Variants in KDM4C observed in about 807,000 individuals in gnomAD.
The protein encoded by KDM4C is lysine demethylase 4C.
Under a neutral mutation model 129.3 loss-of-function variants are expected in KDM4C, and 81 were observed. That is an observed-to-expected ratio of 0.63 (90% CI 0.52 to 0.75). The LOEUF is 0.75. KDM4C is among the 30% of genes least tolerant of loss of function. The pLI is 0.00. For synonymous variants in KDM4C, 573 were observed against 456.1 expected (o/e 1.26, Z -3.26); for missense variants, 1,457 against 1,304.0 (o/e 1.12, Z -1.81).
At chr9:7,117,795 G>A (rs971593655) in intron 18 of KDM4C, among the ~76,000 whole-genome samples, 1 of 152,070 alleles carries the variant, frequency 6.6e-6, no homozygotes, top group African/African-American at 2.4e-5. Context: ...CTAGCATCTG[G>A]GAACTCACTG....
At chr9:7,021,933 C>G (rs1230165881) in intron 15 of KDM4C, among the ~76,000 whole-genome samples, 3 of 152,100 alleles carry the variant, frequency 2.0e-5, no homozygotes, top group Non-Finnish European at 2.9e-5. Flanking sequence ...AATGTATATT[C>G]TTGTCATCTT....
At chr9:6,790,362 A>G (rs917306999) in intron 1 of KDM4C, among the ~76,000 whole-genome samples, 1 of 150,302 alleles carries the variant, frequency 6.7e-6, no homozygotes, top group African/African-American at 2.4e-5. Context: ...CTCCTGCCTC[A>G]GCCTCCTGAG....
chr9:6,980,896 T>G, intron 8 of KDM4C, 29 bp from the exon 9 acceptor site: 3 of 1,608,286 alleles, frequency 1.9e-6, no homozygotes, highest in Non-Finnish European at 2.6e-6. Context: ...GCGAAACGTT[T>G]AACACTCTCC....
intron 8 of KDM4C, among the ~76,000 whole-genome samples, chr9:6,909,823 A>T (rs947329003): frequency 1.3e-5 from 2 of 152,234 alleles, no homozygotes; most frequent in Non-Finnish European, 2.9e-5. Flanking sequence ...TAAATATATT[A>T]GAAGAAAATA....
chr9:7,047,921 A>G (rs894402516), intron 16 of KDM4C, among the ~76,000 whole-genome samples: 3 of 151,990 alleles, frequency 2.0e-5, no homozygotes, highest in Non-Finnish European at 2.9e-5. Flanking sequence ...GTGTAATGTA[A>G]TGGTGGATTT....
rs537437863 is a variant in KDM4C, at chr9:6,989,204, C to T, written c.1678-1212C>T. Among the ~76,000 whole-genome samples the T allele has an allele frequency of 1.9e-3, 294 of 152,300 alleles. 2 individuals carry two copies. The highest frequency in any genetic ancestry group is 6.9e-3 in the African/African-American group (285 of 41,560). ...CTTTTCTTATTCCTAGCTTTGATTA[C>T]AATGGTCTTACACATTTTCTTAGAA... On this transcript the variant is annotated intron_variant, in intron 11 of 21. Transcript: ENST00000381309.
intron 1 of KDM4C, among the ~76,000 whole-genome samples, chr9:6,735,773 G>C (rs1817507595): frequency 6.6e-6 from 1 of 152,146 alleles, no homozygotes; most frequent in Non-Finnish European, 1.5e-5. Context: ...ATTGGTACTA[G>C]TAGAGCAGGG....
intron 8 of KDM4C, among the ~76,000 whole-genome samples, chr9:6,923,229 A>AT (rs58932705): frequency 8.6e-4 from 128 of 148,630 alleles, no homozygotes; most frequent in African/African-American, 1.3e-3. Context: ...AATCAGACAG[A>AT]TTTTTTTTTT....
intron 1 of KDM4C, among the ~76,000 whole-genome samples, chr9:6,784,872 C>T (rs777897362): frequency 4.6e-5 from 7 of 152,168 alleles, no homozygotes; most frequent in Admixed American, 2.0e-4. Flanking sequence ...GATGTGCTAA[C>T]GATTAATGGA....
chr9:6,889,252 G>GTGTGT (rs747649175), intron 7 of KDM4C, among the ~76,000 whole-genome samples: 1,143 of 75,008 alleles, frequency 0.015, 35 homozygotes, highest in African/African-American at 0.054. Flanking sequence ...TGTGTGTGTG[G>GTGTGT]GAGGGTGGGG....
chr9:6,911,448 T>C (rs1819287638), intron 8 of KDM4C, among the ~76,000 whole-genome samples: 1 of 152,242 alleles, frequency 6.6e-6, no homozygotes. Flanking sequence ...GCTGTCAAGC[T>C]AGTTAATGAT....
chr9:6,956,004 A>G (rs1490389371), intron 8 of KDM4C, among the ~76,000 whole-genome samples: 2 of 152,192 alleles, frequency 1.3e-5, no homozygotes, highest in African/African-American at 4.8e-5. Flanking sequence ...TCCTTCAGAA[A>G]CTGCAGTGTG....
chr9:6,931,686 A>G (rs977810267), intron 8 of KDM4C, among the ~76,000 whole-genome samples: 4 of 151,962 alleles, frequency 2.6e-5, no homozygotes, highest in Non-Finnish European at 4.4e-5. Context: ...GTTTTTGTAG[A>G]GTTGGGGTTT....
At chr9:6,732,904 T>G (rs930374397) in intron 1 of KDM4C, among the ~76,000 whole-genome samples, 16 of 152,138 alleles carry the variant, frequency 1.1e-4, no homozygotes, top group Non-Finnish European at 2.9e-5. Flanking sequence ...TCCCAGCTAC[T>G]GGGGAGGCTG....
chr9:6,872,671 A>G (rs1842956222), intron 5 of KDM4C, among the ~76,000 whole-genome samples: 1 of 152,126 alleles, frequency 6.6e-6, no homozygotes, highest in African/African-American at 2.4e-5. Context: ...CTGTTTTACC[A>G]GAGACTAGGA....
At chr9:6,805,462 ATCTTTT>A in intron 2 of KDM4C, 131 bp from the exon 3 acceptor site, 1 of 598,336 alleles carries the variant, frequency 1.7e-6, no homozygotes, top group African/African-American at 2.0e-5. Context: ...GCAAATATTC[ATCTTTT>A]TTTTTTTTTT....
chr9:6,752,084 AGC>A, intron 1 of KDM4C, among the ~76,000 whole-genome samples: 2 of 151,860 alleles, frequency 1.3e-5, no homozygotes, highest in African/African-American at 4.8e-5. Flanking sequence ...CTGTAATCCC[AGC>A]ACTTTGGGAG....
chr9:7,031,063 A>G (rs115146467), intron 15 of KDM4C, among the ~76,000 whole-genome samples: 1 of 152,118 alleles, frequency 6.6e-6, no homozygotes, highest in Non-Finnish European at 1.5e-5. Flanking sequence ...TAAGAAATCA[A>G]AACCCAAACA....
At position 6,792,734 on chromosome 9, in the gene KDM4C, T is replaced by C. The variant is rs535558950; in HGVS notation, c.-17-238T>C. ...AAGGGTTTTGAGGAGGCTAACAGTA[T>C]AGTCAGATCAGTGGTTCTCTACCTG... On this transcript the variant is annotated intron_variant, in intron 1 of 21. Coordinates refer to ENST00000381309, the MANE Select transcript of KDM4C (RefSeq NM_015061.6). Among the ~76,000 whole-genome samples, 9 of 152,246 alleles carry C rather than the reference T, an allele frequency of 5.9e-5. No individual in the cohort carries two copies. In the South Asian group the frequency reaches 1.0e-3, roughly 18 times the overall value.
Sources: gnomAD v4.1 joint callset for allele counts (sites outside exome capture counted in the v4.1 genomes callset) on GRCh38, gnomAD v4.1.1 for gene constraint, MANE v1.5 for transcripts, NCBI Gene and HGNC (gene_info 2026-07-23, HGNC 2026-07-21) for gene names.